The following INVS variants were observed in gnomAD, a reference collection of about 807,000 sequenced individuals.
The protein encoded by INVS is inversion of embryo turning homolog.
INVS carries 86 observed loss-of-function variants against 108.8 expected under a neutral mutation model. That is an observed-to-expected ratio of 0.79 (90% CI 0.66 to 0.95). The LOEUF (loss-of-function observed/expected upper bound fraction) is 0.95. INVS is among the 40% of genes least tolerant of loss of function. The pLI, the probability that INVS is intolerant of heterozygous loss-of-function variation, is 0.00. For synonymous variants in INVS, 455 were observed against 473.5 expected, an observed-to-expected ratio of 0.96 and a Z score of 0.51; for missense variants, 1,169 against 1,297.4, an observed-to-expected ratio of 0.90 and a Z score of 1.52.
At chr9:100,180,356 A>G (rs900644038) in intron 3 of INVS, among the ~76,000 whole-genome samples, 1 of 152,090 alleles carries the variant, frequency 6.6e-6, no homozygotes, top group Non-Finnish European at 1.5e-5. Flanking sequence ...TTTTTTTTAA[A>G]AGATTAACAA....
At position 100,284,537 on chromosome 9, in the gene INVS, G is replaced by A. The variant is rs764384987; in HGVS notation, c.2002G>A (p.Gly668Arg). 42 of 1,613,856 alleles carry A rather than the reference G, an allele frequency of 2.6e-5. 1 individual carries two copies. In the South Asian group the frequency reaches 3.4e-4, roughly 13 times the overall value. Reference sequence around the variant, plus strand: ...AGGATCTCCAGGAGGGTCTCTAGGCGGAGCCCTCCAGAAGGAGCAGCATGT... The same window carrying A: ...AGGATCTCCAGGAGGGTCTCTAGGCAGAGCCCTCCAGAAGGAGCAGCATGT... ...SRGSPGGSLG[G>R]ALQKEQHVSS... The change falls in exon 13 of 17, where the codon GGA becomes AGA. Residue 668 changes from glycine (G) to arginine (R), a missense_variant. Gly to Arg is a moderately radical substitution (Grantham distance 125, BLOSUM62 -2). Transcript: ENST00000262457.
chr9:100,149,568 C>A (rs1032006771), intron 3 of INVS, among the ~76,000 whole-genome samples: 1 of 152,154 alleles, frequency 6.6e-6, no homozygotes, highest in African/African-American at 2.4e-5. Flanking sequence ...CTCTCATTTT[C>A]CAGTTTAGAA....
intron 3 of INVS, among the ~76,000 whole-genome samples, chr9:100,137,420 G>C (rs534778691): frequency 1.3e-4 from 20 of 152,194 alleles, no homozygotes; most frequent in Non-Finnish European, 2.5e-4. Flanking sequence ...ATGATAACTT[G>C]TTTTTTCACT....
At chr9:100,148,944 A>G (rs756648177) in intron 3 of INVS, among the ~76,000 whole-genome samples, 1 of 152,174 alleles carries the variant, frequency 6.6e-6, no homozygotes, top group Admixed American at 6.5e-5. Context: ...GTGACAGTAG[A>G]ACTCCCATAA....
At chr9:100,117,397 C>T in intron 2 of INVS, 1 of 782,368 alleles carries the variant, frequency 1.3e-6, no homozygotes. Flanking sequence ...GACAGATTTC[C>T]TCCAGGGACT....
At chr9:100,284,805 T>A (rs960614939) in intron 13 of INVS, among the ~76,000 whole-genome samples, 1 of 152,214 alleles carries the variant, frequency 6.6e-6, no homozygotes, top group African/African-American at 2.4e-5. Flanking sequence ...TCAGCATTTT[T>A]AAAAATTCTA....
chr9:100,100,957 A>ATATATAT (rs1826944508), intron 1 of INVS, among the ~76,000 whole-genome samples: 1 of 34,364 alleles, frequency 2.9e-5, no homozygotes, highest in Non-Finnish European at 4.3e-5. Flanking sequence ...CATATATATT[A>ATATATAT]TATATATAAT....
At chr9:100,161,630 G>A (rs1181864509) in intron 3 of INVS, among the ~76,000 whole-genome samples, 2 of 152,004 alleles carry the variant, frequency 1.3e-5, no homozygotes, top group African/African-American at 4.8e-5. Flanking sequence ...TGGATGGATG[G>A]ATGGATGGAT....
intron 3 of INVS, among the ~76,000 whole-genome samples, chr9:100,135,260 C>G (rs1828188374): frequency 6.6e-6 from 1 of 152,158 alleles, no homozygotes; most frequent in African/African-American, 2.4e-5. Context: ...CTGACCTAGA[C>G]TGTTAAGCAC....
At chr9:100,201,274 G>C (rs1230905107) in intron 3 of INVS, among the ~76,000 whole-genome samples, 1 of 152,276 alleles carries the variant, frequency 6.6e-6, no homozygotes, top group East Asian at 1.9e-4. Context: ...CTTACATCAA[G>C]GCTGTGAGCA....
intron 3 of INVS, among the ~76,000 whole-genome samples, chr9:100,155,156 A>G (rs1341875315): frequency 6.6e-6 from 1 of 151,506 alleles, no homozygotes; most frequent in Non-Finnish European, 1.5e-5. Flanking sequence ...GGTTGCAGAG[A>G]GCCGAGATAG....
chr9:100,100,692 A>ATATATGTACATATAATATATATAT (rs1826841419), intron 1 of INVS, among the ~76,000 whole-genome samples: 4 of 1,670 alleles, frequency 2.4e-3, no homozygotes, highest in African/African-American at 4.1e-3. Flanking sequence ...TATATATATT[A>ATATATGTACATATAATATATATAT]TATATGTACA....
At chr9:100,298,226 A>G (rs1340288189) in intron 16 of INVS, 1 of 1,448,742 alleles carries the variant, frequency 6.9e-7, no homozygotes, top group Non-Finnish European at 9.0e-7. Flanking sequence ...ATTAACTCCA[A>G]CAGAAATAAA....
Position 100,126,390 on chromosome 9 carries a change from T to C in INVS, c.114T>C (p.Ser38=), listed in dbSNP as rs114056499. 5.3e-5 allele frequency: 86 copies of C among 1,613,060 alleles called. 2 individuals carry two copies. In the African/African-American group the frequency reaches 9.2e-4, roughly 17 times the overall value. The change falls in exon 3 of 17, where the codon TCT becomes TCC. Residue 38 remains serine, a synonymous_variant. Transcript: ENST00000262457. ...TGTTTCTTATCCTTATAGGAAACTC[T>C]GCTCTTAAAGACAAAGAAGATCAGT... The part of the protein sequence containing the change: ...GALQRLIVGN[S]ALKDKEDQFG...
At chr9:100,294,823 A>G (rs1222525791) in intron 14 of INVS, among the ~76,000 whole-genome samples, 2 of 152,194 alleles carry the variant, frequency 1.3e-5, no homozygotes, top group African/African-American at 4.8e-5. Flanking sequence ...ACATACTAGT[A>G]TTATTTATTG....
intron 3 of INVS, among the ~76,000 whole-genome samples, chr9:100,148,862 G>A (rs907858590): frequency 5.9e-5 from 9 of 152,136 alleles, no homozygotes; most frequent in Non-Finnish European, 1.5e-5. Context: ...CTTACATGGT[G>A]CAACATATGT....
chr9:100,203,237 C>G (rs142552918), intron 3 of INVS, among the ~76,000 whole-genome samples: 41 of 151,890 alleles, frequency 2.7e-4, no homozygotes, highest in African/African-American at 9.9e-4. Flanking sequence ...TCAAACATAC[C>G]CTGTAATTTT....
At chr9:100,291,443 G>A (rs551230743) in intron 13 of INVS, among the ~76,000 whole-genome samples, 7 of 152,188 alleles carry the variant, frequency 4.6e-5, no homozygotes, top group African/African-American at 7.2e-5. Context: ...TTTAATCAAC[G>A]TGTGTGTGCT....
chr9:100,292,914 GGCAGAGTGTGAATATT>G lies in INVS; in HGVS notation c.2659_2674del (p.Gln887ThrfsTer5), dbSNP rs1476971094. On this transcript the variant is annotated frameshift_variant, in exon 14 of 17. Transcript: ENST00000262457. LOFTEE classifies it high-confidence loss of function. ...GATCCAGCACCTGGTCCCCTCTCTG[GGCAGAGTGTGAATATT>G]GACCTTCTCCCCGTAGAGCTCCGAC... 1 of 1,613,886 alleles carries G rather than the reference GGCAGAGTGTGAATATT, an allele frequency of 6.2e-7. No homozygotes were observed. The highest frequency in any genetic ancestry group is 8.5e-7 in the Non-Finnish European group (1 of 1,179,896).
Sources: allele counts gnomAD v4.1 joint callset (sites outside exome capture counted in the v4.1 genomes callset), GRCh38; gene constraint gnomAD v4.1.1; transcripts MANE v1.5; gene names NCBI Gene and HGNC (gene_info 2026-07-23, HGNC 2026-07-21).